The following RBFOX1 variants were observed in gnomAD, a reference collection of about 807,000 sequenced individuals.
RBFOX1 encodes the protein RNA binding protein fox-1 homolog 1.
Under a neutral mutation model 57.7 loss-of-function variants are expected in RBFOX1, and 8 were observed. The observed-to-expected ratio is 0.14, with a 90% CI of 0.08 to 0.25. The LOEUF (loss-of-function observed/expected upper bound fraction) is 0.25. Ranked by LOEUF, RBFOX1 falls within the 10% of genes least tolerant of loss-of-function variation. The pLI is 1.00. For missense variants in RBFOX1, 611 were observed against 548.5 expected (o/e 1.11, Z -1.14); for synonymous variants, 326 against 222.4 (o/e 1.47, Z -4.15).
At chr16:5,784,615 T>C (rs977670498) in intron 3 of RBFOX1, among the ~76,000 whole-genome samples, 30 of 152,132 alleles carry the variant, frequency 2.0e-4, no homozygotes, top group Non-Finnish European at 3.1e-4. Flanking sequence ...TCACCTCCCA[T>C]CTGGCCCCAC....
chr16:6,569,225 T>G (rs2097310077), intron 2 of RBFOX1, among the ~76,000 whole-genome samples: 1 of 152,218 alleles, frequency 6.6e-6, no homozygotes, highest in South Asian at 2.1e-4. Context: ...ATTAGTTATC[T>G]AATACTGTGT....
chr16:6,457,796 T>C (rs1890936742), intron 2 of RBFOX1, among the ~76,000 whole-genome samples: 1 of 152,178 alleles, frequency 6.6e-6, no homozygotes, highest in Admixed American at 6.5e-5. Context: ...TAGTCCGTTG[T>C]TGTGTGCAGC....
At chr16:7,425,621 T>A (rs1195121256) in intron 4 of RBFOX1, among the ~76,000 whole-genome samples, 1 of 152,214 alleles carries the variant, frequency 6.6e-6, no homozygotes, top group Non-Finnish European at 1.5e-5. Context: ...TCTAAACTTC[T>A]CTGGATAAAT....
In RBFOX1 at chr16:6,101,517, G is replaced by A. The variant is rs189515830; in HGVS notation, c.-127+81525G>A. Among the ~76,000 whole-genome samples, 214 of 151,684 alleles carry A rather than the reference G, an allele frequency of 1.4e-3. No individual in the cohort carries two copies. In the Middle Eastern group the frequency reaches 0.024, roughly 17 times the overall value. On this transcript the variant is annotated intron_variant, in intron 1 of 15. Transcript: ENST00000550418. The stretch of plus-strand genomic sequence containing the variant: ...TTTTATTTTTTTGAGACAGAGTTTC[G>A]CTCTTGTTGCCTAGGCTGGAGTGCA...
At chr16:6,608,350 C>T (rs1296001336) in intron 2 of RBFOX1, among the ~76,000 whole-genome samples, 1 of 152,188 alleles carries the variant, frequency 6.6e-6, no homozygotes, top group African/African-American at 2.4e-5. Context: ...GCTTAAATCC[C>T]AGTATTATTG....
At chr16:6,663,830 C>A (rs2098715844) in intron 3 of RBFOX1, among the ~76,000 whole-genome samples, 1 of 152,114 alleles carries the variant, frequency 6.6e-6, no homozygotes, top group African/African-American at 2.4e-5. Context: ...CATCCTGGGC[C>A]AGGTGCAGAG....
rs374326197 is a variant in RBFOX1, at chr16:6,377,109, C to CA, written c.-64+60061dup. On this transcript the variant is annotated intron_variant, in intron 2 of 15. Transcript: ENST00000550418. Reference sequence around the variant, plus strand: ...GCAACATGGAAAAATTCCATCCCTACAAAAAAAAATTAAAAATTAGCTGAG... The same window carrying CA: ...GCAACATGGAAAAATTCCATCCCTACAAAAAAAAAATTAAAAATTAGCTGAG... 1.0e-4 allele frequency among the ~76,000 whole-genome samples: 15 copies of CA among 150,182 alleles called. No individual in the cohort carries two copies. The East Asian group carries it at 1.8e-3, about 18-fold the overall frequency.
At chr16:6,948,688 C>T (rs1156384410) in intron 3 of RBFOX1, among the ~76,000 whole-genome samples, 3 of 152,054 alleles carry the variant, frequency 2.0e-5, no homozygotes, top group Non-Finnish European at 4.4e-5. Flanking sequence ...GGCGTTGTGT[C>T]AGTCTTATCA....
chr16:6,809,141 G>T (rs1012318655), intron 3 of RBFOX1, among the ~76,000 whole-genome samples: 3 of 152,126 alleles, frequency 2.0e-5, no homozygotes, highest in Non-Finnish European at 4.4e-5. Flanking sequence ...AGCTGTTTGT[G>T]TACCTCACTG....
chr16:6,377,686 A>C (rs778613806), intron 2 of RBFOX1, among the ~76,000 whole-genome samples: 2 of 152,344 alleles, frequency 1.3e-5, no homozygotes, highest in Admixed American at 6.5e-5. Context: ...TACCCTCTAC[A>C]GTGTTTTTAA....
intron 2 of RBFOX1, among the ~76,000 whole-genome samples, chr16:5,588,909 G>A (rs2046919572): frequency 6.6e-6 from 1 of 152,170 alleles, no homozygotes; most frequent in Non-Finnish European, 1.5e-5. Context: ...TTGATTGGAT[G>A]CACAGGTGAG....
chr16:5,886,905 C>G (rs899167225), intron 4 of RBFOX1, among the ~76,000 whole-genome samples: 2 of 152,044 alleles, frequency 1.3e-5, no homozygotes, highest in African/African-American at 2.4e-5. Flanking sequence ...CAAATCATCT[C>G]TTCAATCATT....
At chr16:6,190,727 G>C (rs2097136218) in intron 1 of RBFOX1, among the ~76,000 whole-genome samples, 1 of 152,064 alleles carries the variant, frequency 6.6e-6, no homozygotes, top group Non-Finnish European at 1.5e-5. Flanking sequence ...TAAAATTATT[G>C]AACCACGTGC....
chr16:7,711,903 A>C lies in RBFOX1; in HGVS notation c.*1158A>C, dbSNP rs2084053226. Reference sequence around the variant, plus strand: ...TGAAACGTGACTGCGTTGTGTGAACAATCTGCAATTTTTCAGTCCGTGAGA... The same window carrying C: ...TGAAACGTGACTGCGTTGTGTGAACCATCTGCAATTTTTCAGTCCGTGAGA... On this transcript the variant is annotated 3_prime_UTR_variant, in exon 16 of 16. Transcript: ENST00000550418. 6.6e-6 allele frequency: 1 copy of C among 152,632 alleles called. No homozygotes were observed. Among genetic ancestry groups the C allele is most frequent in the South Asian group, 2.1e-4 (1 of 4,834 alleles). 9.5% of individuals were successfully genotyped at this position (152,632 alleles called of 1,614,324 possible). A position where few individuals can be genotyped will look rare whatever the true frequency, so the allele number is the denominator to read the frequency against.
intron 3 of RBFOX1, among the ~76,000 whole-genome samples, chr16:6,845,555 C>A (rs1467039215): frequency 6.6e-6 from 1 of 152,126 alleles, no homozygotes; most frequent in African/African-American, 2.4e-5. Flanking sequence ...GTTTTTGCAC[C>A]AGTGCCATGC....
chr16:5,776,889 T>C (rs539919051), intron 3 of RBFOX1, among the ~76,000 whole-genome samples: 1 of 152,328 alleles, frequency 6.6e-6, no homozygotes, highest in African/African-American at 2.4e-5. Flanking sequence ...CCATTTGCCA[T>C]GGATGTATGG....
chr16:6,221,732 T>C (rs1018457330), intron 1 of RBFOX1, among the ~76,000 whole-genome samples: 1 of 152,138 alleles, frequency 6.6e-6, no homozygotes, highest in Non-Finnish European at 1.5e-5. Flanking sequence ...TCACGTCTTA[T>C]GTGGTGGCTG....
chr16:6,630,775 G>A (rs185594437), intron 2 of RBFOX1, among the ~76,000 whole-genome samples: 2 of 152,090 alleles, frequency 1.3e-5, no homozygotes, highest in Non-Finnish European at 2.9e-5. Context: ...GGTTGAAATT[G>A]TAGTTGACCT....
At chr16:6,842,335 C>G (rs893002419) in intron 3 of RBFOX1, among the ~76,000 whole-genome samples, 2 of 152,158 alleles carry the variant, frequency 1.3e-5, no homozygotes, top group East Asian at 1.9e-4. Flanking sequence ...AACACATACA[C>G]ATCTTTGGAA....
Sources: gnomAD v4.1 joint callset for allele counts (sites outside exome capture counted in the v4.1 genomes callset) on GRCh38, gnomAD v4.1.1 for gene constraint, MANE v1.5 for transcripts, NCBI Gene and HGNC (gene_info 2026-07-23, HGNC 2026-07-21) for gene names.